Variants in KCNK13 observed in about 807,000 individuals in gnomAD.
The protein encoded by KCNK13 is potassium channel subfamily K member 13.
In KCNK13, 12 loss-of-function variants were observed where a neutral mutation model predicts 23.4. The observed-to-expected ratio is 0.51, with a 90% CI of 0.33 to 0.83. The LOEUF is 0.83. Among genes scored for constraint, KCNK13 ranks in the 40% least tolerant of loss-of-function variants. The pLI is 0.02. For missense variants in KCNK13, 463 were observed against 556.3 expected (o/e 0.83, Z 1.69); for synonymous variants, 231 against 229.5 (o/e 1.01, Z -0.06).
intron 1 of KCNK13, among the ~76,000 whole-genome samples, chr14:90,095,260 C>T (rs1374950609): frequency 6.6e-6 from 1 of 152,132 alleles, no homozygotes; most frequent in Non-Finnish European, 1.5e-5. Context: ...TCCTTTTGTG[C>T]TGAGATCAAG....
At chr14:90,146,032 G>A (rs1890069318) in intron 1 of KCNK13, among the ~76,000 whole-genome samples, 1 of 152,040 alleles carries the variant, frequency 6.6e-6, no homozygotes, top group Admixed American at 6.6e-5. Context: ...ACGAAAGTGA[G>A]AGAGAGAGAT....
intron 1 of KCNK13, among the ~76,000 whole-genome samples, chr14:90,080,998 GC>G (rs1361432590): frequency 6.6e-6 from 1 of 152,254 alleles, no homozygotes; most frequent in Non-Finnish European, 1.5e-5. Flanking sequence ...GAGAATGACT[GC>G]CCTAAAGGGA....
intron 1 of KCNK13, among the ~76,000 whole-genome samples, chr14:90,143,176 T>TTTCTTTCTTTC (rs3994012): frequency 0.13 from 12,795 of 97,360 alleles, 769 homozygotes; most frequent in Non-Finnish European, 0.15. Flanking sequence ...TCTTTCTTTC[T>TTTCTTTCTTTC]TTTCTTTTCT....
In KCNK13 at chr14:90,079,033, G is replaced by T. The variant is rs543008272; in HGVS notation, c.334+16494G>T. ...GAGGTCTGCCCTGCAGGTACTGCAT[G>T]TAGGCAGTTCAGAGTTGCTGTGGGG... On this transcript the variant is annotated intron_variant, in intron 1 of 1. Coordinates refer to ENST00000282146, the MANE Select transcript of KCNK13 (RefSeq NM_022054.4). Among the ~76,000 whole-genome samples the T allele has an allele frequency of 7.9e-5, 12 of 152,336 alleles. No homozygotes were observed. In the South Asian group the frequency reaches 2.5e-3, roughly 32 times the overall value.
intron 1 of KCNK13, among the ~76,000 whole-genome samples, chr14:90,110,337 C>T (rs1313141285): frequency 1.3e-5 from 2 of 151,978 alleles, no homozygotes; most frequent in Non-Finnish European, 2.9e-5. Flanking sequence ...CATGGTAAAA[C>T]CCCGTCTCTA....
In KCNK13 at chr14:90,132,865, C is replaced by T. The variant is rs147075063; in HGVS notation, c.335-51246C>T. Among the ~76,000 whole-genome samples the T allele has an allele frequency of 8.9e-4, 135 of 152,312 alleles. 1 individual carries two copies. The highest frequency in any genetic ancestry group is 3.2e-3 in the African/African-American group (132 of 41,566). ...TCCCATATCTAATTCTCATAACACC[C>T]TGAGAGACACTATTTCCATGATCCT... On this transcript the variant is annotated intron_variant, in intron 1 of 1. Transcript: ENST00000282146.
chr14:90,119,143 GT>G (rs1227498214), intron 1 of KCNK13, among the ~76,000 whole-genome samples: 31 of 152,024 alleles, frequency 2.0e-4, no homozygotes, highest in Admixed American at 2.0e-3. Flanking sequence ...AATTGAATCA[GT>G]AATAAATAGC....
chr14:90,100,414 T>G (rs1889461200), intron 1 of KCNK13, among the ~76,000 whole-genome samples: 1 of 152,154 alleles, frequency 6.6e-6, no homozygotes, highest in South Asian at 2.1e-4. Context: ...AGCTACTTTT[T>G]GGCTGGTACT....
chr14:90,108,171 G>A (rs902848829), intron 1 of KCNK13, among the ~76,000 whole-genome samples: 3 of 152,144 alleles, frequency 2.0e-5, no homozygotes, highest in Non-Finnish European at 4.4e-5. Flanking sequence ...AAGGTTGATG[G>A]GCCATCTTGG....
intron 1 of KCNK13, among the ~76,000 whole-genome samples, chr14:90,133,024 T>C (rs1889893464): frequency 6.6e-6 from 1 of 152,174 alleles, no homozygotes; most frequent in Non-Finnish European, 1.5e-5. Flanking sequence ...TTATCTAACG[T>C]TTGGACGACA....
In KCNK13 at chr14:90,073,795, G is replaced by A. The variant is rs143981925; in HGVS notation, c.334+11256G>A. ...AAGCAATTCTCCTGCCTCAGCCTCC[G>A]GAGTAGCTGGGATTACTGGCACGTG... On this transcript the variant is annotated intron_variant, in intron 1 of 1. Transcript: ENST00000282146. Among the ~76,000 whole-genome samples, 716 of 151,296 alleles carry A rather than the reference G, an allele frequency of 4.7e-3. 8 individuals carry two copies. Among genetic ancestry groups the A allele is most frequent in the African/African-American group, 0.017 (683 of 41,164 alleles).
intron 1 of KCNK13, among the ~76,000 whole-genome samples, chr14:90,163,438 C>A (rs148946814): frequency 1.4e-4 from 22 of 152,324 alleles, no homozygotes; most frequent in African/African-American, 5.3e-4. Flanking sequence ...GGATTTAAAT[C>A]ATTCTCTTCA....
intron 1 of KCNK13, among the ~76,000 whole-genome samples, chr14:90,124,848 A>G (rs1889778098): frequency 6.6e-6 from 1 of 152,254 alleles, no homozygotes; most frequent in Non-Finnish European, 1.5e-5. Context: ...TCTGAAAAAT[A>G]CAATAAGAAG....
At chr14:90,080,094 C>T (rs537884359) in intron 1 of KCNK13, among the ~76,000 whole-genome samples, 2 of 152,208 alleles carry the variant, frequency 1.3e-5, no homozygotes, top group African/African-American at 4.8e-5. Context: ...CTGGAGGGAT[C>T]CCTAGTTGAG....
At chr14:90,159,157 A>C (rs1249149248) in intron 1 of KCNK13, among the ~76,000 whole-genome samples, 1 of 152,178 alleles carries the variant, frequency 6.6e-6, no homozygotes, top group Admixed American at 6.5e-5. Flanking sequence ...CAAGAGATCA[A>C]ACTCACAACC....
intron 1 of KCNK13, among the ~76,000 whole-genome samples, chr14:90,077,031 G>C (rs1309448164): frequency 1.3e-5 from 2 of 151,028 alleles, no homozygotes; most frequent in Admixed American, 1.3e-4. Flanking sequence ...ATGTTAGCCA[G>C]GATGGTCTCG....
At chr14:90,087,129 CATATATATAT>C (rs141670518) in intron 1 of KCNK13, among the ~76,000 whole-genome samples, 6 of 124,684 alleles carry the variant, frequency 4.8e-5, no homozygotes, top group Admixed American at 8.9e-5. Flanking sequence ...TATATATATA[CATATATATAT>C]ATATATATAT....
intron 1 of KCNK13, chr14:90,177,296 C>T (rs916023934): frequency 6.6e-6 from 1 of 152,134 alleles, no homozygotes; most frequent in African/African-American, 2.4e-5. Context: ...TCTACTCCTT[C>T]CCCCATTCTC....
At chr14:90,141,494 G>T (rs1241942106) in intron 1 of KCNK13, among the ~76,000 whole-genome samples, 1 of 151,682 alleles carries the variant, frequency 6.6e-6, no homozygotes, top group African/African-American at 2.4e-5. Context: ...TTTCGCTCTC[G>T]TTGCCCAGGC....
Sources: allele counts gnomAD v4.1 joint callset (sites outside exome capture counted in the v4.1 genomes callset), GRCh38; gene constraint gnomAD v4.1.1; transcripts MANE v1.5; gene names NCBI Gene and HGNC (gene_info 2026-07-23, HGNC 2026-07-21).